NRG1: variants seen among roughly 807,000 people sequenced by gnomAD.
NRG1 encodes pro-neuregulin-1, membrane-bound isoform.
A neutral mutation model predicts 63.8 loss-of-function variants in NRG1; 18 were observed. The ratio of observed to expected loss-of-function variants is 0.28; its 90% CI spans 0.19 to 0.42. The LOEUF is 0.42. Ranked by LOEUF, NRG1 falls within the 10% of genes least tolerant of loss-of-function variation. NRG1 has a pLI of 1.00. For synonymous variants in NRG1, 302 were observed against 301.3 expected, an observed-to-expected ratio of 1.00 and a Z score of -0.02; for missense variants, 762 against 814.7, an observed-to-expected ratio of 0.94 and a Z score of 0.79.
At chr8:31,647,112 G>A (rs1180416261) in intron 1 of NRG1, among the ~76,000 whole-genome samples, 1 of 152,168 alleles carries the variant, frequency 6.6e-6, no homozygotes, top group East Asian at 1.9e-4. Context: ...TTTATTTTGG[G>A]TGACAGACTT....
At chr8:32,730,500 G>C (rs955487618) in intron 6 of NRG1, among the ~76,000 whole-genome samples, 2 of 152,032 alleles carry the variant, frequency 1.3e-5, no homozygotes, top group African/African-American at 2.4e-5. Flanking sequence ...ATGTAGAAAA[G>C]ATCATTCCTT....
At chr8:32,015,830 C>T (rs1344887379) in intron 1 of NRG1, among the ~76,000 whole-genome samples, 1 of 151,758 alleles carries the variant, frequency 6.6e-6, no homozygotes, top group Non-Finnish European at 1.5e-5. Context: ...GGTGCTTCCT[C>T]AACGTAGAAG....
intron 1 of NRG1, among the ~76,000 whole-genome samples, chr8:31,821,498 A>G (rs1187527711): frequency 6.6e-6 from 1 of 152,202 alleles, no homozygotes; most frequent in Admixed American, 6.5e-5. Flanking sequence ...CTTTTTCTAA[A>G]GACAGTAAAA....
intron 1 of NRG1, among the ~76,000 whole-genome samples, chr8:31,894,546 C>CTTTCTTTTTT (rs1563536134): frequency 2.0e-5 from 2 of 98,066 alleles, no homozygotes; most frequent in African/African-American, 6.6e-5. Context: ...CTATTTCTTT[C>CTTTCTTTTTT]TTTTTTCTTT....
At chr8:32,085,528 A>G (rs1428240269) in intron 1 of NRG1, among the ~76,000 whole-genome samples, 1 of 152,190 alleles carries the variant, frequency 6.6e-6, no homozygotes, top group Non-Finnish European at 1.5e-5. Flanking sequence ...TAAAGATCAT[A>G]ATTCTTTCTT....
At chr8:31,746,346 A>G (rs1815858986) in intron 1 of NRG1, among the ~76,000 whole-genome samples, 1 of 151,980 alleles carries the variant, frequency 6.6e-6, no homozygotes, top group Non-Finnish European at 1.5e-5. Flanking sequence ...TTTATTAAAA[A>G]TGACTGTACA....
chr8:32,420,265 G>T (rs1466714241), intron 1 of NRG1, among the ~76,000 whole-genome samples: 1 of 152,150 alleles, frequency 6.6e-6, no homozygotes, highest in Non-Finnish European at 1.5e-5. Context: ...TCCCTTGGGG[G>T]TTGTTTTTGT....
At chr8:32,691,054 G>A (rs1554636328) in intron 5 of NRG1, among the ~76,000 whole-genome samples, 2 of 151,802 alleles carry the variant, frequency 1.3e-5, no homozygotes, top group Non-Finnish European at 2.9e-5. Context: ...ATTAAAAGGT[G>A]AGATGCAGGC....
chr8:32,022,839 A>G (rs1816669747), intron 1 of NRG1, among the ~76,000 whole-genome samples: 1 of 152,166 alleles, frequency 6.6e-6, no homozygotes, highest in African/African-American at 2.4e-5. Context: ...AATTCACTTA[A>G]TCATTGAACC....
chr8:32,713,411 G>A (rs952366271), intron 5 of NRG1, among the ~76,000 whole-genome samples: 1 of 151,774 alleles, frequency 6.6e-6, no homozygotes, highest in Non-Finnish European at 1.5e-5. Context: ...GTCCCTGAAG[G>A]GTATTACGCC....
intron 1 of NRG1, among the ~76,000 whole-genome samples, chr8:32,036,758 C>T (rs1195588790): frequency 6.6e-6 from 1 of 152,112 alleles, no homozygotes; most frequent in Non-Finnish European, 1.5e-5. Flanking sequence ...GTGAAGTTCT[C>T]ATGTTATGTT....
At chr8:31,921,772 C>T (rs1175890606) in intron 1 of NRG1, among the ~76,000 whole-genome samples, 1 of 152,144 alleles carries the variant, frequency 6.6e-6, no homozygotes, top group African/African-American at 2.4e-5. Flanking sequence ...GATTGGTGAA[C>T]ACTCAGGATT....
At chr8:32,559,841 C>CAAA (rs575336896) in intron 1 of NRG1, among the ~76,000 whole-genome samples, 9,105 of 126,826 alleles carry the variant, frequency 0.072, 377 homozygotes, top group South Asian at 0.14. Flanking sequence ...CAAAAAAATA[C>CAAA]AAAAAAAAAA....
chr8:32,644,916 T>C (rs1853194938), intron 5 of NRG1, among the ~76,000 whole-genome samples: 1 of 152,166 alleles, frequency 6.6e-6, no homozygotes, highest in Non-Finnish European at 1.5e-5. Context: ...TCATGCTTGG[T>C]ATTTTCTCCT....
At chr8:32,624,981 A>G (rs1352084333) in intron 5 of NRG1, among the ~76,000 whole-genome samples, 2 of 152,194 alleles carry the variant, frequency 1.3e-5, no homozygotes, top group Non-Finnish European at 2.9e-5. Context: ...AGCCCATTCC[A>G]TATAATATTG....
intron 1 of NRG1, among the ~76,000 whole-genome samples, chr8:32,230,254 G>A (rs946394031): frequency 6.6e-6 from 1 of 152,142 alleles, no homozygotes. Context: ...GGTCAGCTTG[G>A]GGCAGCCAAC....
intron 5 of NRG1, among the ~76,000 whole-genome samples, chr8:32,635,392 C>T (rs13282071): frequency 0.2 from 31,166 of 152,104 alleles, 4,122 homozygotes; most frequent in Non-Finnish European, 0.27. Flanking sequence ...TTTTGAAAAG[C>T]AGGTCATCCT....
At chr8:32,010,096 G>T (rs1035550953) in intron 1 of NRG1, among the ~76,000 whole-genome samples, 8 of 152,012 alleles carry the variant, frequency 5.3e-5, no homozygotes, top group African/African-American at 1.9e-4. Flanking sequence ...CATTTCCTGG[G>T]CACCTTCAGC....
At chr8:32,543,192 T>G (rs1467133099) in intron 1 of NRG1, among the ~76,000 whole-genome samples, 1 of 152,160 alleles carries the variant, frequency 6.6e-6, no homozygotes, top group East Asian at 1.9e-4. Context: ...TATATTCAAA[T>G]ACAGACAATG....
Sources: gnomAD v4.1 joint callset for allele counts (sites outside exome capture counted in the v4.1 genomes callset) on GRCh38, gnomAD v4.1.1 for gene constraint, MANE v1.5 for transcripts, NCBI Gene and HGNC (gene_info 2026-07-23, HGNC 2026-07-21) for gene names.